The following SORBS2 variants were observed in gnomAD, a reference collection of about 807,000 sequenced individuals.
SORBS2 encodes sorbin and SH3 domain containing 2, also known as sorbin and SH3 domain-containing protein 2.
Under a neutral mutation model 97.7 loss-of-function variants are expected in SORBS2, and 46 were observed. The observed-to-expected ratio is 0.47, with a 90% CI of 0.37 to 0.60. The LOEUF (loss-of-function observed/expected upper bound fraction) is 0.60. Ranked by LOEUF, SORBS2 falls within the 20% of genes least tolerant of loss-of-function variation. SORBS2 has a pLI of 0.00. For synonymous variants in SORBS2, 476 were observed against 473.4 expected, an observed-to-expected ratio of 1.01 and a Z score of -0.07; for missense variants, 1,316 against 1,282.3, an observed-to-expected ratio of 1.03 and a Z score of -0.40.
chr4:185,678,854 T>G, intron 2 of SORBS2, 32 bp from the exon 6 acceptor site: 1 of 1,332,332 alleles, frequency 7.5e-7, no homozygotes, highest in Non-Finnish European at 1.0e-6. Context: ...AAATTAAGAC[T>G]AAGGTGAAAT....
intron 1 of SORBS2, among the ~76,000 whole-genome samples, chr4:185,822,246 A>T (rs2099197204): frequency 6.6e-6 from 1 of 152,170 alleles, no homozygotes; most frequent in Non-Finnish European, 1.5e-5. Context: ...GTGTTTCCCC[A>T]GTTGGGTGTG....
intron 2 of SORBS2, among the ~76,000 whole-genome samples, chr4:185,755,748 G>T (rs1189171279): frequency 6.6e-6 from 1 of 152,170 alleles, no homozygotes; most frequent in African/African-American, 2.4e-5. Flanking sequence ...AGAACCAGAA[G>T]AATAATCACA....
intron 1 of SORBS2, among the ~76,000 whole-genome samples, chr4:185,839,019 GC>G (rs1332571906): frequency 6.6e-6 from 1 of 152,148 alleles, no homozygotes; most frequent in Non-Finnish European, 1.5e-5. Flanking sequence ...TTCTCACCCT[GC>G]CTTTGAGGCA....
chr4:185,767,244 A>G (rs1248700869), intron 2 of SORBS2, among the ~76,000 whole-genome samples: 1 of 151,812 alleles, frequency 6.6e-6, no homozygotes, highest in Non-Finnish European at 1.5e-5. Flanking sequence ...CAGGCCTGTA[A>G]TCCCAGCACT....
At chr4:185,754,862 C>A (rs1408779996) in intron 2 of SORBS2, among the ~76,000 whole-genome samples, 2 of 152,198 alleles carry the variant, frequency 1.3e-5, no homozygotes, top group Non-Finnish European at 2.9e-5. Context: ...TGAGGCAGAC[C>A]TGGAAGGGCA....
At chr4:185,915,450 G>C (rs2099257601) in intron 1 of SORBS2, among the ~76,000 whole-genome samples, 1 of 152,200 alleles carries the variant, frequency 6.6e-6, no homozygotes, top group Non-Finnish European at 1.5e-5. Context: ...AAAAAGCATT[G>C]TGCTCTAGAG....
chr4:185,725,136 C>T (rs1185560159), intron 2 of SORBS2, among the ~76,000 whole-genome samples: 3 of 152,128 alleles, frequency 2.0e-5, no homozygotes, highest in Admixed American at 2.0e-4. Flanking sequence ...GGGATTTAGG[C>T]AGATCTATTT....
chr4:185,879,263 T>C (rs2099235629), intron 1 of SORBS2, among the ~76,000 whole-genome samples: 4 of 146,358 alleles, frequency 2.7e-5, no homozygotes, highest in African/African-American at 7.6e-5. Flanking sequence ...AGTGAGAACA[T>C]GCGGTGTTTG....
At chr4:185,950,538 T>G (rs1163598766) in intron 1 of SORBS2, among the ~76,000 whole-genome samples, 1 of 152,180 alleles carries the variant, frequency 6.6e-6, no homozygotes, top group African/African-American at 2.4e-5. Flanking sequence ...TCATAGAGAT[T>G]CTTTATTCAA....
chr4:185,828,868 T>C (rs373534169), intron 1 of SORBS2, among the ~76,000 whole-genome samples: 52 of 152,300 alleles, frequency 3.4e-4, no homozygotes, highest in African/African-American at 1.1e-3. Flanking sequence ...TGGAGGCAAC[T>C]ACAGTTTCAA....
At chr4:185,817,940 A>G (rs1374278943) in intron 1 of SORBS2, among the ~76,000 whole-genome samples, 1 of 152,230 alleles carries the variant, frequency 6.6e-6, no homozygotes, top group Non-Finnish European at 1.5e-5. Context: ...CAAGTGATGT[A>G]TTAATACAAT....
intron 2 of SORBS2, among the ~76,000 whole-genome samples, chr4:185,708,861 T>A (rs1170340863): frequency 6.6e-6 from 1 of 152,240 alleles, no homozygotes; most frequent in Non-Finnish European, 1.5e-5. Flanking sequence ...TTCATGTTAT[T>A]TTTATCATGA....
chr4:185,678,369 G>GGTC, intron 4 of SORBS2, 54 bp downstream of exon 7: 1 of 1,438,066 alleles, frequency 7.0e-7, no homozygotes, highest in Non-Finnish European at 9.3e-7. Flanking sequence ...TGTAAGCAGT[G>GGTC]GTCTAATAAT....
At position 185,606,262 on chromosome 4, in the gene SORBS2, A is replaced by G; in HGVS notation, c.2796+5518T>C. ...TGTGGAGTTTTTAGAATAGTGTCTG[A>G]TACTCAGTAAGAGCTCCACTATTAG... On this transcript the variant is annotated intron_variant, in intron 12 of 14. Coordinates refer to ENST00000418609, the Ensembl canonical transcript of SORBS2. This position sits in a 1 kb window ranked among gnomAD's most constrained non-coding sequence, Gnocchi z 4.3. 2.0e-6 allele frequency: 2 copies of G among 984,918 alleles called. No individual in the cohort carries two copies. Among genetic ancestry groups the G allele is most frequent in the Non-Finnish European group, 2.4e-6 (2 of 829,476 alleles). The allele number at this position is 984,918 out of a possible 1,614,324, so 61.0% of individuals were successfully genotyped here. A position where few individuals can be genotyped will look rare whatever the true frequency, so the allele number is the denominator to read the frequency against.
chr4:185,682,377 T>C (rs530627421), intron 2 of SORBS2, among the ~76,000 whole-genome samples: 1 of 152,336 alleles, frequency 6.6e-6, no homozygotes, highest in East Asian at 1.9e-4. Context: ...GGTTTTGGCA[T>C]AGGTTTAAAA....
intron 2 of SORBS2, among the ~76,000 whole-genome samples, chr4:185,767,962 G>C (rs758681277): frequency 6.6e-6 from 1 of 152,176 alleles, no homozygotes; most frequent in Non-Finnish European, 1.5e-5. Context: ...AATCTTTGCT[G>C]TCCATCACCT....
Position 185,623,110 on chromosome 4 carries a change from G to C in SORBS2, c.2019C>G (p.Pro673=). The change falls in exon 7 of 15, where the codon CCC becomes CCG. Residue 673 remains proline, a synonymous_variant. Transcript: ENST00000418609. The surrounding 1 kb of genome is among the most constrained non-coding windows in gnomAD (Gnocchi z 6.4). The stretch of plus-strand genomic sequence containing the variant: ...GCGCTCTCAGGGATGAGTTCCTCTC[G>C]GGAACATCTGGCAGCAGCTCACTGA... 6.2e-7 allele frequency: 1 copy of C among 1,614,118 alleles called. No individual in the cohort carries two copies. Among genetic ancestry groups the C allele is most frequent in the Non-Finnish European group, 8.5e-7 (1 of 1,180,022 alleles).
chr4:185,893,061 G>C (rs980692392), intron 1 of SORBS2, among the ~76,000 whole-genome samples: 2 of 152,186 alleles, frequency 1.3e-5, no homozygotes, highest in African/African-American at 4.8e-5. Context: ...TTGAGAGCTA[G>C]TGAAATTACT....
intron 1 of SORBS2, among the ~76,000 whole-genome samples, chr4:185,869,778 T>A (rs951720228): frequency 6.6e-6 from 1 of 152,230 alleles, no homozygotes; most frequent in Admixed American, 6.5e-5. Context: ...ATCCATGGAA[T>A]TGGGAATCAC....
Sources: allele counts gnomAD v4.1 joint callset (sites outside exome capture counted in the v4.1 genomes callset), GRCh38; gene constraint gnomAD v4.1.1; non-coding constraint Gnocchi (gnomAD v3.1); transcripts MANE v1.5; gene names NCBI Gene and HGNC (gene_info 2026-07-23, HGNC 2026-07-21).